SOX5: variants seen among roughly 807,000 people sequenced by gnomAD.
The protein encoded by SOX5 is SRY-box transcription factor 5.
In SOX5, 9 loss-of-function variants were observed where a neutral mutation model predicts 92.0. The ratio of observed to expected loss-of-function variants is 0.10; its 90% CI spans 0.06 to 0.17. The LOEUF (loss-of-function observed/expected upper bound fraction) is 0.17, where lower values mean the gene tolerates loss of function less well. Among genes scored for constraint, SOX5 ranks in the 10% least tolerant of loss-of-function variants. The pLI is 1.00. For missense variants in SOX5, 642 were observed against 944.5 expected (o/e 0.68, Z 4.20); for synonymous variants, 344 against 336.3 (o/e 1.02, Z -0.25).
chr12:24,297,296 T>C (rs1408602028), intron 2 of SOX5, among the ~76,000 whole-genome samples: 1 of 152,214 alleles, frequency 6.6e-6, no homozygotes, highest in Non-Finnish European at 1.5e-5. Context: ...ACTGGTTCTT[T>C]CTGTTCAAAA....
intron 4 of SOX5, among the ~76,000 whole-genome samples, chr12:24,019,476 G>A (rs985712121): frequency 6.6e-6 from 1 of 152,176 alleles, no homozygotes; most frequent in Non-Finnish European, 1.5e-5. Flanking sequence ...GGATCCACTG[G>A]CCCATCTTCC....
At position 23,529,883 on chromosome 12, in the gene SOX5, T is replaced by G. The variant is rs1294828520; in HGVS notation, c.*4336A>C. On this transcript the variant is annotated 3_prime_UTR_variant, in exon 15 of 15. Transcript: ENST00000451604. ...TCTCTTTTCTATTTTTTTTCCATTT[T>G]TACTTGTAAAATCCAAAATATTAGA... 6.6e-6 allele frequency: 1 copy of G among 152,240 alleles called. No individual in the cohort carries two copies. The highest frequency in any genetic ancestry group is 1.5e-5 in the Non-Finnish European group (1 of 68,034). 9.4% of individuals were successfully genotyped at this position (152,240 alleles called of 1,614,324 possible).
At chr12:24,176,445 A>G (rs1215387169) in intron 4 of SOX5, among the ~76,000 whole-genome samples, 1 of 152,214 alleles carries the variant, frequency 6.6e-6, no homozygotes, top group African/African-American at 2.4e-5. Context: ...TGAGTAGAGA[A>G]ACAGTATATG....
At chr12:23,711,923 A>G (rs1424042434) in intron 6 of SOX5, among the ~76,000 whole-genome samples, 1 of 152,214 alleles carries the variant, frequency 6.6e-6, no homozygotes, top group Non-Finnish European at 1.5e-5. Flanking sequence ...GCTGGGCACC[A>G]TCTTGGTGCT....
chr12:23,600,522 CATATATATATATATATATAT>C (rs371480644), intron 9 of SOX5, among the ~76,000 whole-genome samples: 1 of 39,802 alleles, frequency 2.5e-5, no homozygotes, highest in Non-Finnish European at 5.3e-5. Flanking sequence ...GGGGGGGGTG[CATATATATATATATATATAT>C]ATATATATAT....
intron 4 of SOX5, among the ~76,000 whole-genome samples, chr12:24,003,845 T>C (rs1951868190): frequency 6.6e-6 from 1 of 151,804 alleles, no homozygotes; most frequent in African/African-American, 2.4e-5. Flanking sequence ...GCAAAATAAC[T>C]TTGAAAAGGA....
chr12:23,676,258 A>C (rs879891202), intron 6 of SOX5, among the ~76,000 whole-genome samples: 6 of 152,204 alleles, frequency 3.9e-5, no homozygotes, highest in Non-Finnish European at 7.3e-5. Context: ...GGTGATGGAC[A>C]TGTTAATTTA....
chr12:23,909,472 A>G (rs1405071422), intron 1 of SOX5, among the ~76,000 whole-genome samples: 1 of 152,206 alleles, frequency 6.6e-6, no homozygotes, highest in Non-Finnish European at 1.5e-5. Flanking sequence ...CAAAAATTGA[A>G]ACAAAAATTG....
chr12:23,586,904 T>C (rs903658119), intron 9 of SOX5, among the ~76,000 whole-genome samples: 1 of 150,472 alleles, frequency 6.6e-6, no homozygotes, highest in Non-Finnish European at 1.5e-5. Flanking sequence ...ATAGGTCTAT[T>C]TAAATACAGA....
rs529920080 is a variant in SOX5, at chr12:24,365,077, A to G, written c.-174+3486T>C. Among the ~76,000 whole-genome samples, 4 of 152,190 alleles carry G rather than the reference A, an allele frequency of 2.6e-5. No homozygotes were observed. In the South Asian group the frequency reaches 8.3e-4, roughly 32 times the overall value. ...TAAACTTGAGGAGCAGTAATGACTC[A>G]TTTTTCTGGTTCAAAAGTTTATTCA... On this transcript the variant is annotated intron_variant, in intron 2 of 4. Coordinates refer to the SOX5 transcript ENST00000446891.
At chr12:24,124,804 T>C (rs1309611322) in intron 4 of SOX5, among the ~76,000 whole-genome samples, 1 of 152,184 alleles carries the variant, frequency 6.6e-6, no homozygotes, top group African/African-American at 2.4e-5. Context: ...TTATTATAAT[T>C]TAGTCATTCA....
chr12:24,336,243 C>T (rs539994004), intron 2 of SOX5, among the ~76,000 whole-genome samples: 4 of 151,674 alleles, frequency 2.6e-5, no homozygotes, highest in South Asian at 2.1e-4. Context: ...CACAGGCGCC[C>T]GCCACCACGC....
chr12:23,836,252 T>A (rs1248262100), intron 3 of SOX5, among the ~76,000 whole-genome samples: 4 of 151,904 alleles, frequency 2.6e-5, no homozygotes, highest in Non-Finnish European at 4.4e-5. Context: ...TCACAAAATA[T>A]AATGTAACTA....
intron 10 of SOX5, among the ~76,000 whole-genome samples, chr12:23,567,032 CCTTT>C (rs1432542369): frequency 2.0e-5 from 3 of 152,282 alleles, no homozygotes; most frequent in African/African-American, 7.2e-5. Flanking sequence ...ATGTTAGACT[CCTTT>C]CTTTACTCTT....
At chr12:24,363,716 G>GAAAAAAAA (rs34955714) in intron 2 of SOX5, among the ~76,000 whole-genome samples, 1 of 145,324 alleles carries the variant, frequency 6.9e-6, no homozygotes, top group Non-Finnish European at 1.5e-5. Flanking sequence ...GGAAGCACAT[G>GAAAAAAAA]AAAAAAAAAA....
At chr12:24,042,501 G>A (rs948547725) in intron 4 of SOX5, among the ~76,000 whole-genome samples, 1 of 152,064 alleles carries the variant, frequency 6.6e-6, no homozygotes. Context: ...CTATTCTGAA[G>A]TGTGACTGAC....
intron 1 of SOX5, among the ~76,000 whole-genome samples, chr12:24,557,638 A>G (rs1157922679): frequency 6.6e-6 from 1 of 152,142 alleles, no homozygotes; most frequent in Non-Finnish European, 1.5e-5. Context: ...GTATCAAACT[A>G]AAGTCCGCTC....
chr12:24,561,573 C>T (rs989496428), intron 1 of SOX5, among the ~76,000 whole-genome samples: 1 of 152,100 alleles, frequency 6.6e-6, no homozygotes, highest in African/African-American at 2.4e-5. Flanking sequence ...TTCCCAAACC[C>T]GCGCTTAAAG....
chr12:23,913,727 ACTCTGTCT>A, intron 1 of SOX5, among the ~76,000 whole-genome samples: 1 of 149,352 alleles, frequency 6.7e-6, no homozygotes. Context: ...CAAGAGCAAA[ACTCTGTCT>A]CAGAAGAAAA....
Sources: allele counts gnomAD v4.1 joint callset (sites outside exome capture counted in the v4.1 genomes callset), GRCh38; gene constraint gnomAD v4.1.1; transcripts MANE v1.5; gene names NCBI Gene and HGNC (gene_info 2026-07-23, HGNC 2026-07-21).